The following PPP1R14C variants were observed in gnomAD, a reference collection of about 807,000 sequenced individuals.
PPP1R14C encodes the protein protein phosphatase 1 regulatory inhibitor subunit 14C.
Under a neutral mutation model 20.4 loss-of-function variants are expected in PPP1R14C, and 16 were observed. That is an observed-to-expected ratio of 0.78 (90% CI 0.53 to 1.19). PPP1R14C has a LOEUF of 1.19. Among genes scored for constraint, PPP1R14C ranks in the 50% most tolerant of loss-of-function variants. The pLI is 0.00. For synonymous variants in PPP1R14C, 91 were observed against 91.0 expected (o/e 1.00, Z 0.00); for missense variants, 211 against 220.1 (o/e 0.96, Z 0.26).
chr6:150,220,528 T>G (rs1468913319), intron 3 of PPP1R14C, among the ~76,000 whole-genome samples: 2 of 152,184 alleles, frequency 1.3e-5, no homozygotes, highest in African/African-American at 4.8e-5. Context: ...ATGATGTAGA[T>G]GAATGAACAT....
chr6:150,154,478 T>G (rs951028834), intron 1 of PPP1R14C, among the ~76,000 whole-genome samples: 1 of 152,166 alleles, frequency 6.6e-6, no homozygotes, highest in African/African-American at 2.4e-5. Context: ...CTTTCTTGAT[T>G]TGAAAAAAAA....
chr6:150,210,193 A>C (rs1028289890), intron 1 of PPP1R14C, among the ~76,000 whole-genome samples: 4 of 152,036 alleles, frequency 2.6e-5, no homozygotes, highest in Non-Finnish European at 5.9e-5. Context: ...TGCTGCTTGC[A>C]AGTTGGGGCA....
At chr6:150,213,315 C>T (rs1490496199) in intron 1 of PPP1R14C, among the ~76,000 whole-genome samples, 1 of 151,706 alleles carries the variant, frequency 6.6e-6, no homozygotes, top group East Asian at 1.9e-4. Context: ...TTGACTTCCT[C>T]AGTATACTGG....
intron 1 of PPP1R14C, among the ~76,000 whole-genome samples, chr6:150,152,340 C>G (rs998626473): frequency 6.6e-6 from 1 of 152,148 alleles, no homozygotes; most frequent in Non-Finnish European, 1.5e-5. Flanking sequence ...TCCAGCTCCC[C>G]ACGGTGCTTC....
At chr6:150,208,399 T>C (rs536703275) in intron 1 of PPP1R14C, among the ~76,000 whole-genome samples, 1 of 152,298 alleles carries the variant, frequency 6.6e-6, no homozygotes, top group East Asian at 1.9e-4. Context: ...TGTTCTGACA[T>C]TATATAGTGA....
chr6:150,176,872 T>C (rs1562262107), intron 1 of PPP1R14C, among the ~76,000 whole-genome samples: 3 of 152,166 alleles, frequency 2.0e-5, no homozygotes, highest in Admixed American at 6.5e-5. Flanking sequence ...ATGGGTTTTA[T>C]ACGGATGAGG....
At chr6:150,226,752 C>T (rs1488791897) in intron 3 of PPP1R14C, among the ~76,000 whole-genome samples, 1 of 151,690 alleles carries the variant, frequency 6.6e-6, no homozygotes, top group Non-Finnish European at 1.5e-5. Flanking sequence ...ATCATTGTAT[C>T]AAATTATACA....
intron 3 of PPP1R14C, among the ~76,000 whole-genome samples, 176 bp from the exon 4 acceptor site, chr6:150,248,569 GT>G (rs1778521722): frequency 6.6e-6 from 1 of 152,212 alleles, no homozygotes; most frequent in South Asian, 2.1e-4. Flanking sequence ...GTGGTGTGAA[GT>G]TTTAGTATTC....
chr6:150,165,273 C>A (rs907864721), intron 1 of PPP1R14C, among the ~76,000 whole-genome samples: 1 of 152,190 alleles, frequency 6.6e-6, no homozygotes, highest in African/African-American at 2.4e-5. Flanking sequence ...TAAATATCAG[C>A]TGGTTGGTGG....
chr6:150,212,857 C>T (rs775233604), intron 1 of PPP1R14C, among the ~76,000 whole-genome samples: 2 of 152,182 alleles, frequency 1.3e-5, no homozygotes, highest in Non-Finnish European at 2.9e-5. Flanking sequence ...GCAATATAGG[C>T]TGTGCTATAC....
chr6:150,157,965 T>C (rs564792149), intron 1 of PPP1R14C, among the ~76,000 whole-genome samples: 3 of 152,294 alleles, frequency 2.0e-5, no homozygotes, highest in East Asian at 3.9e-4. Flanking sequence ...AGCAGAGACA[T>C]TGCCTTCTAA....
At chr6:150,211,211 A>G (rs116724628) in intron 1 of PPP1R14C, among the ~76,000 whole-genome samples, 3,637 of 152,318 alleles carry the variant, frequency 0.024, 161 homozygotes, top group African/African-American at 0.084. Context: ...GTGTTTAGAC[A>G]GCCCGTCCCC....
In PPP1R14C at chr6:150,143,584, G is replaced by A. The variant is rs1777148911; in HGVS notation, c.306+86G>A. 1 of 993,850 alleles carries A rather than the reference G, an allele frequency of 1.0e-6. No homozygotes were observed. The highest frequency in any genetic ancestry group is 1.5e-6 in the Non-Finnish European group (1 of 682,276). The allele number at this position is 993,850 out of a possible 1,614,324, so 61.6% of individuals were successfully genotyped here. On this transcript the variant is annotated intron_variant, in intron 1 of 3. Transcript: ENST00000361131. The surrounding 1 kb of genome is among the most constrained non-coding windows in gnomAD (Gnocchi z 5.6). ...TAATTTTCCCGGGCTCCAGCTCCGG[G>A]GCGCGCATGTCCCTGACTCCCGGGG...
At chr6:150,178,672 G>C (rs1204148075) in intron 1 of PPP1R14C, among the ~76,000 whole-genome samples, 1 of 152,166 alleles carries the variant, frequency 6.6e-6, no homozygotes, top group Non-Finnish European at 1.5e-5. Context: ...CATTACAACT[G>C]TCATGATGAC....
At chr6:150,166,631 C>G (rs1204454688) in intron 1 of PPP1R14C, among the ~76,000 whole-genome samples, 1 of 152,168 alleles carries the variant, frequency 6.6e-6, no homozygotes, top group Non-Finnish European at 1.5e-5. Context: ...CACCACTGCC[C>G]ATGTCTGGTG....
intron 3 of PPP1R14C, among the ~76,000 whole-genome samples, chr6:150,245,926 A>G (rs941836081): frequency 2.6e-5 from 4 of 152,246 alleles, no homozygotes; most frequent in Non-Finnish European, 5.9e-5. Context: ...AAATATGCAT[A>G]TTATGCACAA....
At chr6:150,242,648 A>G (rs1778446430) in intron 3 of PPP1R14C, among the ~76,000 whole-genome samples, 1 of 152,250 alleles carries the variant, frequency 6.6e-6, no homozygotes. Flanking sequence ...GATCAGTAAC[A>G]TGGTCAGGGT....
At chr6:150,153,138 GT>G (rs1777269717) in intron 1 of PPP1R14C, among the ~76,000 whole-genome samples, 1 of 152,230 alleles carries the variant, frequency 6.6e-6, no homozygotes, top group African/African-American at 2.4e-5. Flanking sequence ...AGAAATGCTT[GT>G]TGTTGAGCCA....
intron 1 of PPP1R14C, among the ~76,000 whole-genome samples, chr6:150,184,709 C>T (rs1316065578): frequency 6.6e-6 from 1 of 152,182 alleles, no homozygotes; most frequent in Non-Finnish European, 1.5e-5. Context: ...TCTAGTTTCT[C>T]CCCTTGATTG....
Sources: allele counts gnomAD v4.1 joint callset (sites outside exome capture counted in the v4.1 genomes callset), GRCh38; gene constraint gnomAD v4.1.1; non-coding constraint Gnocchi (gnomAD v3.1); transcripts MANE v1.5; gene names NCBI Gene and HGNC (gene_info 2026-07-23, HGNC 2026-07-21).